APP: variants seen among roughly 807,000 people sequenced by gnomAD.
The protein encoded by APP is amyloid beta precursor protein, also known as amyloid-beta precursor protein.
In APP, 31 loss-of-function variants were observed where a neutral mutation model predicts 101.4. The ratio of observed to expected loss-of-function variants is 0.31; its 90% confidence interval spans 0.23 to 0.41. The LOEUF is 0.41. APP is among the 10% of genes least tolerant of loss of function. APP has a pLI of 1.00. For missense variants in APP, 839 were observed against 1,003.7 expected (o/e 0.84, Z 2.22); for synonymous variants, 366 against 364.4 (o/e 1.00, Z -0.05).
At chr21:25,915,724 G>A (rs970541783) in intron 13 of APP, among the ~76,000 whole-genome samples, 2 of 152,226 alleles carry the variant, frequency 1.3e-5, no homozygotes, top group Admixed American at 1.3e-4. Flanking sequence ...AAAAGGCAGA[G>A]GAGCAAAAGA....
intron 8 of APP, among the ~76,000 whole-genome samples, 188 bp from the exon 9 acceptor site, chr21:25,982,665 C>T (rs1027301271): frequency 6.6e-6 from 1 of 152,170 alleles, no homozygotes; most frequent in African/African-American, 2.4e-5. Flanking sequence ...GTAAGGATGT[C>T]TTTCACCACT....
intron 1 of APP, among the ~76,000 whole-genome samples, chr21:26,132,064 TA>T (rs2062808637): frequency 6.6e-6 from 1 of 152,018 alleles, no homozygotes; most frequent in African/African-American, 2.4e-5. Flanking sequence ...CAGAGTCAGT[TA>T]AAAAAATAAA....
intron 2 of APP, among the ~76,000 whole-genome samples, chr21:26,109,326 T>C (rs1367466036): frequency 6.6e-6 from 1 of 152,210 alleles, no homozygotes; most frequent in Non-Finnish European, 1.5e-5. Flanking sequence ...GTGGTTTCAA[T>C]GTTTAAGCAC....
chr21:26,139,879 AAAACAAACAAACAAACAAACAAAC>A lies in APP; in HGVS notation c.58-27757_58-27734del, dbSNP rs10617724. ...TGGCAACAGAGCGAGACTCCGTCTC[AAAACAAACAAACAAACAAACAAAC>A]AAACAAACAAACAAACAATTTTCTG... On this transcript the variant is annotated intron_variant, in intron 1 of 17. Coordinates refer to ENST00000346798, the MANE Select transcript of APP (RefSeq NM_000484.4). Among the ~76,000 whole-genome samples, 4 of 150,288 alleles carry A rather than the reference AAAACAAACAAACAAACAAACAAAC, an allele frequency of 2.7e-5. No individual in the cohort carries two copies. In the South Asian group the frequency reaches 8.5e-4, roughly 32 times the overall value.
At chr21:26,083,772 A>T (rs970405990) in intron 3 of APP, among the ~76,000 whole-genome samples, 1 of 152,218 alleles carries the variant, frequency 6.6e-6, no homozygotes, top group African/African-American at 2.4e-5. Flanking sequence ...TGCTTCAAGA[A>T]AATATCAGCA....
chr21:26,070,262 T>G (rs1220119241), intron 3 of APP, among the ~76,000 whole-genome samples: 6 of 152,222 alleles, frequency 3.9e-5, no homozygotes, highest in African/African-American at 1.4e-4. Flanking sequence ...TTACCACGCC[T>G]CTGTGGACTT....
At chr21:26,100,809 T>C (rs929867045) in intron 2 of APP, among the ~76,000 whole-genome samples, 1 of 152,130 alleles carries the variant, frequency 6.6e-6, no homozygotes, top group Non-Finnish European at 1.5e-5. Flanking sequence ...TAATGTTAAA[T>C]GGTGGGAAAG....
intron 13 of APP, among the ~76,000 whole-genome samples, chr21:25,926,044 G>A (rs986780333): frequency 6.6e-6 from 1 of 152,152 alleles, no homozygotes; most frequent in Non-Finnish European, 1.5e-5. Flanking sequence ...TACTGCCAGG[G>A]GAATATTGCC....
At chr21:26,135,304 A>G (rs1031099601) in intron 1 of APP, among the ~76,000 whole-genome samples, 1 of 152,246 alleles carries the variant, frequency 6.6e-6, no homozygotes. Context: ...CCAACCACTC[A>G]GAAAGGGTAT....
At chr21:25,929,654 G>A (rs1025876031) in intron 13 of APP, among the ~76,000 whole-genome samples, 4 of 152,130 alleles carry the variant, frequency 2.6e-5, no homozygotes, top group Non-Finnish European at 5.9e-5. Context: ...AAAATGAAAC[G>A]TGAGGTTTGC....
At chr21:25,960,116 CAA>C (rs1364804849) in intron 11 of APP, among the ~76,000 whole-genome samples, 2 of 94 alleles carry the variant, frequency 0.021, no homozygotes, top group African/African-American at 0.091. Flanking sequence ...CTCAAAATTA[CAA>C]AGTTTCCAGA....
At chr21:26,004,740 T>C (rs2043448996) in intron 6 of APP, among the ~76,000 whole-genome samples, 1 of 152,160 alleles carries the variant, frequency 6.6e-6, no homozygotes, top group Admixed American at 6.5e-5. Flanking sequence ...GCCATGTTGT[T>C]TGCTGCACCC....
At chr21:26,001,239 T>C (rs1350239169) in intron 6 of APP, among the ~76,000 whole-genome samples, 1 of 152,182 alleles carries the variant, frequency 6.6e-6, no homozygotes, top group Non-Finnish European at 1.5e-5. Flanking sequence ...TCATCCCTGA[T>C]TGCCTCAAAG....
intron 3 of APP, among the ~76,000 whole-genome samples, chr21:26,078,031 T>C (rs765160347): frequency 7.2e-5 from 11 of 152,240 alleles, no homozygotes; most frequent in Admixed American, 1.3e-4. Flanking sequence ...ATCCAGACTG[T>C]AGATTCATCT....
intron 1 of APP, among the ~76,000 whole-genome samples, chr21:26,118,469 T>C (rs1024250896): frequency 1.3e-5 from 2 of 152,188 alleles, no homozygotes; most frequent in African/African-American, 4.8e-5. Flanking sequence ...ACCATACACA[T>C]ACTATATAGT....
intron 11 of APP, among the ~76,000 whole-genome samples, chr21:25,963,077 G>A (rs2041650751): frequency 6.6e-6 from 1 of 152,146 alleles, no homozygotes; most frequent in South Asian, 2.1e-4. Flanking sequence ...GCCTCCCAAA[G>A]TGCTGGGATT....
intron 6 of APP, among the ~76,000 whole-genome samples, chr21:26,008,597 G>A (rs912402385): frequency 3.9e-5 from 6 of 152,170 alleles, no homozygotes; most frequent in Admixed American, 2.6e-4. Flanking sequence ...GGTATTTCAA[G>A]CTACTAATGG....
rs557087173 is a variant in APP, at chr21:26,170,122, C to A, written c.57+442G>T. Among the ~76,000 whole-genome samples, 8 of 152,320 alleles carry A rather than the reference C, an allele frequency of 5.3e-5. No homozygotes were observed. The South Asian group carries it at 1.4e-3, about 28-fold the overall frequency. On this transcript the variant is annotated intron_variant, in intron 1 of 17. Transcript: ENST00000346798. ...GACTCCTCCTCCTCCTCCCCAGGGC[C>A]CAAGAGAAAGGAAAGGGCAACGATT...
At chr21:26,096,551 C>A (rs2061946046) in intron 2 of APP, among the ~76,000 whole-genome samples, 2 of 152,206 alleles carry the variant, frequency 1.3e-5, no homozygotes, top group Non-Finnish European at 2.9e-5. Context: ...CACGAACACA[C>A]AAAGGCTGTC....
Sources: gnomAD v4.1 joint callset for allele counts (sites outside exome capture counted in the v4.1 genomes callset) on GRCh38, gnomAD v4.1.1 for gene constraint, MANE v1.5 for transcripts, NCBI Gene and HGNC (gene_info 2026-07-23, HGNC 2026-07-21) for gene names.